TRIO: variants seen among roughly 807,000 people sequenced by gnomAD.
TRIO encodes triple functional domain protein.
Under a neutral mutation model 351.9 loss-of-function variants are expected in TRIO, and 58 were observed. The observed-to-expected ratio is 0.16, with a 90% CI of 0.13 to 0.21. TRIO has a LOEUF of 0.21. Ranked by LOEUF, TRIO falls within the 10% of genes least tolerant of loss-of-function variation. The pLI, the probability that TRIO is intolerant of heterozygous loss-of-function variation, is 1.00. For synonymous variants in TRIO, 1,758 were observed against 1,595.7 expected, an observed-to-expected ratio of 1.10 and a Z score of -2.42; for missense variants, 3,201 against 4,027.8, an observed-to-expected ratio of 0.79 and a Z score of 5.56.
chr5:14,390,749 T>G, intron 26 of TRIO, 152 bp from the exon 27 acceptor site: 3 of 656,388 alleles, frequency 4.6e-6, no homozygotes, highest in Non-Finnish European at 5.0e-6. Context: ...GAACGATGTG[T>G]TTCTTATTTC....
chr5:14,506,549 C>G (rs1020107659), intron 55 of TRIO, among the ~76,000 whole-genome samples: 1 of 152,200 alleles, frequency 6.6e-6, no homozygotes, highest in Non-Finnish European at 1.5e-5. Context: ...CACAGAGAGT[C>G]ATAAGGATTA....
At chr5:14,173,698 T>C (rs1486204374) in intron 1 of TRIO, among the ~76,000 whole-genome samples, 1 of 152,248 alleles carries the variant, frequency 6.6e-6, no homozygotes, top group Non-Finnish European at 1.5e-5. Flanking sequence ...CGAAGAGCTC[T>C]ACGCTTAGGA....
At chr5:14,217,349 G>T (rs1792288134) in intron 1 of TRIO, among the ~76,000 whole-genome samples, 1 of 152,144 alleles carries the variant, frequency 6.6e-6, no homozygotes, top group Admixed American at 6.5e-5. Flanking sequence ...CCCTACACCT[G>T]CAGCTTCTTT....
intron 21 of TRIO, among the ~76,000 whole-genome samples, chr5:14,387,129 A>G (rs1296178209): frequency 6.6e-6 from 1 of 152,246 alleles, no homozygotes; most frequent in African/African-American, 2.4e-5. Flanking sequence ...TTCTTCGCAT[A>G]CATTCCTCCA....
chr5:14,191,631 CAT>C (rs373041153), intron 1 of TRIO, among the ~76,000 whole-genome samples: 9 of 151,016 alleles, frequency 6.0e-5, no homozygotes, highest in African/African-American at 1.9e-4. Context: ...TCATCATTAA[CAT>C]ATGGAATGTA....
intron 34 of TRIO, among the ~76,000 whole-genome samples, chr5:14,437,138 A>G (rs1751648673): frequency 6.6e-6 from 1 of 152,096 alleles, no homozygotes; most frequent in Admixed American, 6.5e-5. Context: ...GAATGTGATT[A>G]TTTGTTCCAT....
chr5:14,191,172 A>G (rs985508767), intron 1 of TRIO, among the ~76,000 whole-genome samples: 4 of 152,142 alleles, frequency 2.6e-5, no homozygotes, highest in African/African-American at 7.2e-5. Flanking sequence ...CAAGGCTGAT[A>G]TATTAAAGTT....
At chr5:14,165,463 GTA>G (rs1194684113) in intron 1 of TRIO, among the ~76,000 whole-genome samples, 1 of 152,186 alleles carries the variant, frequency 6.6e-6, no homozygotes, top group Non-Finnish European at 1.5e-5. Context: ...TCAATGCGTA[GTA>G]TTCCATGGTG....
chr5:14,474,132 A>G lies in TRIO; in HGVS notation c.6083+35A>G, dbSNP rs200405154. 14 of 1,590,720 alleles carry G rather than the reference A, an allele frequency of 8.8e-6. No homozygotes were observed. The African/African-American group carries it at 1.6e-4, about 18-fold the overall frequency. On this transcript the variant is annotated intron_variant, in intron 40 of 56. Coordinates refer to ENST00000344204, the MANE Select transcript of TRIO (RefSeq NM_007118.4). ...CATGCATTGTGCCCGATGGTGTGCA[A>G]AGCAGCCACACTTGCTAAACCAAGG...
intron 21 of TRIO, among the ~76,000 whole-genome samples, chr5:14,382,942 G>GGTGT (rs370087208): frequency 1.3e-5 from 2 of 151,900 alleles, no homozygotes; most frequent in South Asian, 4.2e-4. Flanking sequence ...CGTATTTAGG[G>GGTGT]GTGTGTGTGT....
chr5:14,182,928 G>C (rs565420247), intron 1 of TRIO, among the ~76,000 whole-genome samples: 1 of 150,938 alleles, frequency 6.6e-6, no homozygotes, highest in Non-Finnish European at 1.5e-5. Flanking sequence ...AGGCATTTGC[G>C]TGCCCCTGCC....
At chr5:14,427,225 C>T (rs1025635610) in intron 34 of TRIO, among the ~76,000 whole-genome samples, 65 of 152,280 alleles carry the variant, frequency 4.3e-4, no homozygotes, top group East Asian at 2.1e-3. Context: ...CTAAACATCT[C>T]GCCTGGTGAG....
At chr5:14,232,854 AT>A (rs1427770370) in intron 1 of TRIO, among the ~76,000 whole-genome samples, 9 of 152,216 alleles carry the variant, frequency 5.9e-5, no homozygotes, top group African/African-American at 1.9e-4. Context: ...AGTTTCTAAT[AT>A]GTTTTTCTGT....
chr5:14,332,583 T>G (rs1382603250), intron 10 of TRIO, among the ~76,000 whole-genome samples: 1 of 152,222 alleles, frequency 6.6e-6, no homozygotes, highest in Non-Finnish European at 1.5e-5. Context: ...TAAAATAAAT[T>G]ACTAGTGGAA....
intron 34 of TRIO, among the ~76,000 whole-genome samples, chr5:14,427,187 C>T (rs898563778): frequency 2.0e-5 from 3 of 152,148 alleles, no homozygotes; most frequent in African/African-American, 7.2e-5. Flanking sequence ...ACTGCCTCCT[C>T]ACCCCACCCC....
intron 41 of TRIO, 88 bp downstream of exon 41, chr5:14,477,051 C>A: frequency 2.6e-6 from 3 of 1,170,280 alleles, no homozygotes; most frequent in Non-Finnish European, 3.7e-6. Flanking sequence ...CTCACTTATA[C>A]TTTATGTAAG....
At position 14,270,813 on chromosome 5, in the gene TRIO, T is replaced by A; in HGVS notation, c.158-12T>A. On this transcript the variant is annotated splice_polypyrimidine_tract_variant and intron_variant, in intron 1 of 56. Coordinates refer to ENST00000344204, the MANE Select transcript of TRIO (RefSeq NM_007118.4). Reference sequence around the variant, plus strand: ...CAACCCAGTAATTTTATTTTCTCCTTCTGTATTTCAGGGTTTCGAAAAAAC... The same window carrying A: ...CAACCCAGTAATTTTATTTTCTCCTACTGTATTTCAGGGTTTCGAAAAAAC... The A allele has an allele frequency of 1.2e-6, 2 of 1,611,932 alleles. No individual in the cohort carries two copies. Among genetic ancestry groups the A allele is most frequent in the Non-Finnish European group, 1.7e-6 (2 of 1,178,290 alleles).
intron 11 of TRIO, among the ~76,000 whole-genome samples, chr5:14,341,322 G>C (rs1417621184): frequency 6.6e-6 from 1 of 152,176 alleles, no homozygotes; most frequent in Non-Finnish European, 1.5e-5. Context: ...TCAAGGCAAT[G>C]GTAATGTGCA....
chr5:14,230,505 G>C (rs959660379), intron 1 of TRIO, among the ~76,000 whole-genome samples: 2 of 152,018 alleles, frequency 1.3e-5, no homozygotes, highest in African/African-American at 4.8e-5. Context: ...GGGGAGAGTG[G>C]TTACATGTGG....
Sources: allele counts gnomAD v4.1 joint callset (sites outside exome capture counted in the v4.1 genomes callset), GRCh38; gene constraint gnomAD v4.1.1; transcripts MANE v1.5; gene names NCBI Gene and HGNC (gene_info 2026-07-23, HGNC 2026-07-21).